The following C3orf22 variants were observed in gnomAD, a reference collection of about 807,000 sequenced individuals.
C3orf22 encodes the protein chromosome 3 open reading frame 22.
Under a neutral mutation model 10.8 loss-of-function variants are expected in C3orf22, and 7 were observed. The observed-to-expected ratio is 0.65, with a 90% CI of 0.37 to 1.22. The LOEUF is 1.22. C3orf22 is among the 50% of genes most tolerant of loss of function. The pLI is 0.02. For synonymous variants in C3orf22, 79 were observed against 78.9 expected (o/e 1.00, Z 0.00); for missense variants, 173 against 177.0 (o/e 0.98, Z 0.13).
intron 4 of C3orf22, among the ~76,000 whole-genome samples, chr3:126,539,659 CTA>C (rs965850450): frequency 7.4e-6 from 1 of 135,116 alleles, no homozygotes; most frequent in African/African-American, 2.8e-5. Context: ...ACACCCCACA[CTA>C]TACACACAGC....
intron 4 of C3orf22, among the ~76,000 whole-genome samples, chr3:126,533,766 CTG>C (rs1392268806): frequency 1.3e-5 from 2 of 152,068 alleles, no homozygotes; most frequent in African/African-American, 4.8e-5. Flanking sequence ...CTCTCCTCTT[CTG>C]TTTTTTGAAA....
chr3:126,556,647 CACACA>C (rs1456261972), intron 1 of C3orf22, among the ~76,000 whole-genome samples: 22 of 1,314 alleles, frequency 0.017, no homozygotes, highest in Admixed American at 0.15. Flanking sequence ...GCCGTTCCCA[CACACA>C]CACACACACA....
At chr3:126,553,506 G>C in intron 1 of C3orf22, 76 bp from the exon 2 acceptor site, 1 of 957,490 alleles carries the variant, frequency 1.0e-6, no homozygotes, top group Non-Finnish European at 1.6e-6. Flanking sequence ...TACCCAGCAG[G>C]GCTGGGGGTG....
chr3:126,537,067 G>A (rs1276684666), intron 4 of C3orf22, among the ~76,000 whole-genome samples: 1 of 152,206 alleles, frequency 6.6e-6, no homozygotes. Flanking sequence ...AGGGGAAGAT[G>A]TCATCTGATC....
chr3:126,542,314 C>A, intron 4 of C3orf22: 1 of 1,568,320 alleles, frequency 6.4e-7, no homozygotes, highest in Non-Finnish European at 8.6e-7. Context: ...ACGCGCTCTG[C>A]CACCCGTGTC....
intron 5 of C3orf22, among the ~76,000 whole-genome samples, chr3:126,528,083 C>A (rs1936572659): frequency 6.6e-6 from 1 of 151,078 alleles, no homozygotes; most frequent in Admixed American, 6.6e-5. Flanking sequence ...GAAGGAATGG[C>A]ACAGAGAAAA....
chr3:126,544,280 CCT>C (rs945720082), intron 4 of C3orf22, among the ~76,000 whole-genome samples: 2 of 152,200 alleles, frequency 1.3e-5, no homozygotes, highest in African/African-American at 2.4e-5. Flanking sequence ...GTCCAGAGCC[CCT>C]GTCAGCAAGA....
rs1405711836 is a variant in C3orf22, at chr3:126,529,272, G to A, written c.*78C>T. The A allele has an allele frequency of 7.2e-6, 9 of 1,246,396 alleles. No homozygotes were observed. The Admixed American group carries it at 2.1e-4, about 29-fold the overall frequency. The allele number at this position is 1,246,396 out of a possible 1,614,324, so 77.2% of individuals were successfully genotyped here. On this transcript the variant is annotated 3_prime_UTR_variant and NMD_transcript_variant, in exon 5 of 6. Coordinates refer to the C3orf22 transcript ENST00000505070. ...AGGCCTTGCAACATGACGTGTGCGG[G>A]TGTCCTGTGTGCAGCAATCGCATGG...
chr3:126,556,465 CT>C (rs771844378), intron 1 of C3orf22, among the ~76,000 whole-genome samples: 5 of 152,014 alleles, frequency 3.3e-5, no homozygotes, highest in Non-Finnish European at 7.4e-5. Context: ...CTCTCAGCGC[CT>C]CCTGGGTGCA....
At chr3:126,536,344 C>T in intron 4 of C3orf22, 1 of 1,613,646 alleles carries the variant, frequency 6.2e-7, no homozygotes, top group Non-Finnish European at 8.5e-7. Context: ...AGCTCTATGA[C>T]CTGGATCAGG....
chr3:126,554,632 T>C (rs536860281), intron 1 of C3orf22, among the ~76,000 whole-genome samples: 37 of 152,150 alleles, frequency 2.4e-4, no homozygotes, highest in Non-Finnish European at 4.0e-4. Context: ...TACTGGAGGG[T>C]AAGGTCTGAC....
intron 4 of C3orf22, chr3:126,542,637 G>A (rs1367864414): frequency 2.1e-6 from 3 of 1,411,526 alleles, no homozygotes; most frequent in African/African-American, 3.0e-5. Context: ...GACCCCCGGG[G>A]AATGCAGGTG....
chr3:126,533,043 T>C (rs1238127695), intron 4 of C3orf22, among the ~76,000 whole-genome samples: 1 of 152,248 alleles, frequency 6.6e-6, no homozygotes, highest in Non-Finnish European at 1.5e-5. Flanking sequence ...TATTCATTGC[T>C]AGTATATAGA....
At chr3:126,538,367 G>A (rs927419941) in intron 4 of C3orf22, among the ~76,000 whole-genome samples, 2 of 152,344 alleles carry the variant, frequency 1.3e-5, no homozygotes, top group Middle Eastern at 3.4e-3. Context: ...GGTGGGGTAA[G>A]GGTTTCCCCT....
intron 4 of C3orf22, among the ~76,000 whole-genome samples, chr3:126,530,187 G>T (rs149140347): frequency 0.01 from 1,578 of 152,336 alleles, 26 homozygotes; most frequent in African/African-American, 0.035. Context: ...TCGGGGCAGG[G>T]TGGCAGGCAG....
At chr3:126,540,738 A>G (rs1936940559) in intron 4 of C3orf22, among the ~76,000 whole-genome samples, 1 of 152,158 alleles carries the variant, frequency 6.6e-6, no homozygotes. Flanking sequence ...TATGCCTAGG[A>G]CCGGAATTGC....
intron 4 of C3orf22, chr3:126,541,765 G>T (rs6766712): frequency 0.25 from 378,085 of 1,511,644 alleles, 48,150 homozygotes; most frequent in Admixed American, 0.32. Flanking sequence ...AGGTGCACCG[G>T]CAGCGGCGCG....
downstream of C3orf22, among the ~76,000 whole-genome samples, chr3:126,548,083 C>T (rs1467235707): frequency 6.6e-6 from 1 of 152,354 alleles, no homozygotes; most frequent in East Asian, 1.9e-4. Context: ...CAACCTCCAC[C>T]TCTTGGGTTC....
At chr3:126,548,553 C>A (rs535406370), downstream of C3orf22, among the ~76,000 whole-genome samples, 2 of 152,354 alleles carry the variant, frequency 1.3e-5, no homozygotes, top group African/African-American at 4.8e-5. Context: ...CCCACCCTCA[C>A]AGGAAGGGAC....
Sources: gnomAD v4.1 joint callset for allele counts (sites outside exome capture counted in the v4.1 genomes callset) on GRCh38, gnomAD v4.1.1 for gene constraint, MANE v1.5 for transcripts, NCBI Gene and HGNC (gene_info 2026-07-23, HGNC 2026-07-21) for gene names.